Variants in FAM83F observed in about 807,000 individuals in gnomAD.
FAM83F encodes scaffolding CK1 anchoring protein F, also known as protein FAM83F.
A neutral mutation model predicts 42.9 loss-of-function variants in FAM83F; 45 were observed. The ratio of observed to expected loss-of-function variants is 1.05; its 90% CI spans 0.83 to 1.35. The LOEUF (loss-of-function observed/expected upper bound fraction) is 1.35. Ranked by LOEUF, FAM83F falls within the 40% of genes most tolerant of loss-of-function variation. The probability of loss-of-function intolerance (pLI) is 0.00; values close to 1 mark genes in which losing one functional copy is unlikely to be tolerated. For synonymous variants in FAM83F, 306 were observed against 298.3 expected, an observed-to-expected ratio of 1.03 and a Z score of -0.27; for missense variants, 617 against 695.9, an observed-to-expected ratio of 0.89 and a Z score of 1.28.
chr22:40,004,335 T>C (rs1023310468), intron 1 of FAM83F, among the ~76,000 whole-genome samples: 8 of 148,490 alleles, frequency 5.4e-5, no homozygotes, highest in Admixed American at 5.3e-4. Flanking sequence ...GGAGTCTTGC[T>C]CTGTCACCCA....
In FAM83F at chr22:40,019,960, C is replaced by T. The variant is rs766807401; in HGVS notation, c.731C>T (p.Ser244Leu). The T allele has an allele frequency of 2.5e-6, 4 of 1,613,534 alleles. No individual in the cohort carries two copies. Among genetic ancestry groups the T allele is most frequent in the South Asian group, 2.2e-5 (2 of 91,020 alleles). Reference sequence around the variant, plus strand: ...GGGAGGATCAAGGGGACCCTGTCATCAAGGTTCCTGATGGTGGACGGTGAC... The same window carrying T: ...GGGAGGATCAAGGGGACCCTGTCATTAAGGTTCCTGATGGTGGACGGTGAC... ...PMGRIKGTLS[S>L]RFLMVDGDKV... Residue 244 changes from serine to leucine, a missense_variant, in exon 3 of 5, where the codon TCA (serine) becomes TTA (leucine). By Grantham distance (145) the Ser-to-Leu change is moderately radical (BLOSUM62 -2). Transcript: ENST00000333407.
intron 1 of FAM83F, among the ~76,000 whole-genome samples, chr22:40,011,426 G>T (rs182843228): frequency 2.0e-5 from 3 of 152,064 alleles, no homozygotes; most frequent in Admixed American, 6.5e-5. Context: ...CAGGTGATCC[G>T]CCCGCCTCGG....
intron 1 of FAM83F, among the ~76,000 whole-genome samples, chr22:40,001,910 C>T (rs2067403832): frequency 6.6e-6 from 1 of 152,164 alleles, no homozygotes; most frequent in Non-Finnish European, 1.5e-5. Context: ...GGCGTGTTTC[C>T]TGTTTCCACC....
rs2067647966 is a variant in FAM83F at position 40,040,966 on chromosome 22, C to G, written c.*11401C>G. 6.6e-6 allele frequency: 1 copy of G among 152,262 alleles called. No homozygotes were observed. Among genetic ancestry groups the G allele is most frequent in the South Asian group, 2.1e-4 (1 of 4,832 alleles). 9.4% of individuals were successfully genotyped at this position (152,262 alleles called of 1,614,324 possible). A position where few individuals can be genotyped will look rare whatever the true frequency, so the allele number is the denominator to read the frequency against. ...ATCCAGCTTGCTATCCCCCCTTCCCCCAGCTTGTGGGTTATTGCAGAATTG... is the reference window on the plus strand; with the variant it reads ...ATCCAGCTTGCTATCCCCCCTTCCCGCAGCTTGTGGGTTATTGCAGAATTG... On this transcript the variant is annotated 3_prime_UTR_variant, in exon 5 of 5. Transcript: ENST00000333407.
chr22:40,027,749 G>C (rs894302897), intron 4 of FAM83F, among the ~76,000 whole-genome samples: 5 of 152,216 alleles, frequency 3.3e-5, no homozygotes, highest in Non-Finnish European at 7.3e-5. Context: ...CAAAAAAGTG[G>C]GGAGCATGGT....
At chr22:40,011,610 T>C (rs1475325377) in intron 1 of FAM83F, among the ~76,000 whole-genome samples, 2 of 152,220 alleles carry the variant, frequency 1.3e-5, no homozygotes, top group African/African-American at 4.8e-5. Flanking sequence ...ATGAGTGGTA[T>C]TAGGCTATAG....
At chr22:40,002,652 G>A (rs1601762172) in intron 1 of FAM83F, among the ~76,000 whole-genome samples, 1 of 152,300 alleles carries the variant, frequency 6.6e-6, no homozygotes, top group Admixed American at 6.5e-5. Flanking sequence ...ACTGGGTGAC[G>A]TGGGGTACAT....
Position 39,995,682 on chromosome 22 carries a change from T to G in FAM83F, c.489+151T>G. ...CCGCCCCTACTTCCTGGGGCTGCAG[T>G]GAGGCCTGTAGAGCGAATGGCTGGG... On this transcript the variant is annotated intron_variant, in intron 1 of 4. Transcript: ENST00000333407. The surrounding 1 kb of genome is among the most constrained non-coding windows in gnomAD (Gnocchi z 4.6). 1 of 1,311,014 alleles carries G rather than the reference T, an allele frequency of 7.6e-7. No individual in the cohort carries two copies. The highest frequency in any genetic ancestry group is 1.0e-6 in the Non-Finnish European group (1 of 986,168). The allele number at this position is 1,311,014 out of a possible 1,614,324, so 81.2% of individuals were successfully genotyped here. A position where few individuals can be genotyped will look rare whatever the true frequency, so the allele number is the denominator to read the frequency against.
intron 1 of FAM83F, among the ~76,000 whole-genome samples, chr22:40,010,283 C>T (rs753229191): frequency 3.9e-5 from 6 of 152,258 alleles, no homozygotes; most frequent in East Asian, 1.9e-4. Flanking sequence ...TGGGGAATCA[C>T]GTGCTCAGTG....
chr22:40,025,941 AC>A (rs1028470887), intron 4 of FAM83F, among the ~76,000 whole-genome samples: 2 of 152,016 alleles, frequency 1.3e-5, no homozygotes, highest in African/African-American at 4.8e-5. Context: ...TGTGCCTGAG[AC>A]CCCACCCAGT....
rs2067518487 is a variant in FAM83F at position 40,021,280 on chromosome 22, A to T, written c.780-10A>T. The T allele has an allele frequency of 6.5e-7, 1 of 1,528,298 alleles. No individual in the cohort carries two copies. The highest frequency in any genetic ancestry group is 2.3e-5 in the East Asian group (1 of 43,756). 94.7% of individuals were successfully genotyped at this position (1,528,298 alleles called of 1,614,324 possible). A position where few individuals can be genotyped will look rare whatever the true frequency, so the allele number is the denominator to read the frequency against. The stretch of plus-strand genomic sequence containing the variant: ...ACATGTGTCTTGCTTTTCTGTCCCC[A>T]CGTTCCCAGGTTCACCTGGAGTTCC... On this transcript the variant is annotated splice_polypyrimidine_tract_variant and intron_variant, in intron 3 of 4. Coordinates refer to ENST00000333407, the MANE Select transcript of FAM83F (RefSeq NM_138435.4). This position sits in a 1 kb window ranked among gnomAD's most constrained non-coding sequence, Gnocchi z 8.7.
intron 4 of FAM83F, among the ~76,000 whole-genome samples, chr22:40,028,090 A>G (rs2067564916): frequency 6.6e-6 from 1 of 152,256 alleles, no homozygotes; most frequent in Admixed American, 6.5e-5. Context: ...GCCGCCCCAG[A>G]CGTGCTCGGC....
At position 40,023,924 on chromosome 22, in the gene FAM83F, C is replaced by T. The variant is rs141809342; in HGVS notation, c.1453+1961C>T. On this transcript the variant is annotated intron_variant, in intron 4 of 4. Coordinates refer to ENST00000333407, the MANE Select transcript of FAM83F (RefSeq NM_138435.4). This position sits in a 1 kb window ranked among gnomAD's most constrained non-coding sequence, Gnocchi z 4.1. ...TAAGGCTTCTGCCCACCTGGGTGGGCGCCCAGTACCTGCAGTCCTGAAATT... is the reference window on the plus strand; with the variant it reads ...TAAGGCTTCTGCCCACCTGGGTGGGTGCCCAGTACCTGCAGTCCTGAAATT... Among the ~76,000 whole-genome samples, 1 of 152,304 alleles carries T rather than the reference C, an allele frequency of 6.6e-6. No homozygotes were observed. Among genetic ancestry groups the T allele is most frequent in the African/African-American group, 2.4e-5 (1 of 41,576 alleles).
At position 40,032,457 on chromosome 22, in the gene FAM83F, A is replaced by G. The variant is rs2067594068; in HGVS notation, c.*2892A>G. 1 of 152,154 alleles carries G rather than the reference A, an allele frequency of 6.6e-6. No homozygotes were observed. Among genetic ancestry groups the G allele is most frequent in the Non-Finnish European group, 1.5e-5 (1 of 68,038 alleles). 9.4% of individuals were successfully genotyped at this position (152,154 alleles called of 1,614,324 possible). On this transcript the variant is annotated 3_prime_UTR_variant, in exon 5 of 5. Coordinates refer to ENST00000333407, the MANE Select transcript of FAM83F (RefSeq NM_138435.4). ...GGCTTTCAAGATAGCCTCTGTTAAC[A>G]TCACTACCCTCTGCCTGTGTAGAAC... is the stretch of plus-strand genomic sequence containing the variant.
intron 1 of FAM83F, among the ~76,000 whole-genome samples, chr22:40,016,309 C>A (rs2067492225): frequency 6.6e-6 from 1 of 151,920 alleles, no homozygotes; most frequent in Non-Finnish European, 1.5e-5. Flanking sequence ...CTCAAGCAAT[C>A]CTCCTGCCTC....
Position 40,007,202 on chromosome 22 carries a change from G to A in FAM83F, c.489+11671G>A, listed in dbSNP as rs372512833. On this transcript the variant is annotated intron_variant, in intron 1 of 4. Transcript: ENST00000333407. ...GTCTTGCAGCAGGAGCCCCTCCTGCGGGCAGCTGTGCAGCCTCCTCTCCTC... is the reference window on the plus strand; with the variant it reads ...GTCTTGCAGCAGGAGCCCCTCCTGCAGGCAGCTGTGCAGCCTCCTCTCCTC... 1.4e-4 allele frequency among the ~76,000 whole-genome samples: 20 copies of A among 143,642 alleles called. No individual in the cohort carries two copies. The East Asian group carries it at 3.4e-3, about 25-fold the overall frequency. 94.2% of individuals were successfully genotyped at this position (143,642 alleles called of 152,430 possible).
At chr22:40,005,072 C>T (rs376989366) in intron 1 of FAM83F, among the ~76,000 whole-genome samples, 4 of 152,210 alleles carry the variant, frequency 2.6e-5, no homozygotes, top group African/African-American at 4.8e-5. Flanking sequence ...AACTTGCCTC[C>T]GTAGGGAAGC....
rs1017965609 is a variant in FAM83F at position 40,023,899 on chromosome 22, T to G, written c.1453+1936T>G. Among the ~76,000 whole-genome samples the G allele has an allele frequency of 6.6e-6, 1 of 152,180 alleles. No individual in the cohort carries two copies. The highest frequency in any genetic ancestry group is 2.4e-5 in the African/African-American group (1 of 41,440). On this transcript the variant is annotated intron_variant, in intron 4 of 4. Coordinates refer to ENST00000333407, the MANE Select transcript of FAM83F (RefSeq NM_138435.4). This position sits in a 1 kb window ranked among gnomAD's most constrained non-coding sequence, Gnocchi z 4.1. ...ACGAACACAGAGCAGCCTCCTCCGG[T>G]AAGGCTTCTGCCCACCTGGGTGGGC...
intron 3 of FAM83F, 45 bp downstream of exon 3, chr22:40,020,053 C>T: frequency 6.3e-7 from 1 of 1,575,984 alleles, no homozygotes; most frequent in South Asian, 1.2e-5. Context: ...GCCTTGATTC[C>T]AGGTAGGTGT....
Sources: allele counts gnomAD v4.1 joint callset (sites outside exome capture counted in the v4.1 genomes callset), GRCh38; gene constraint gnomAD v4.1.1; non-coding constraint Gnocchi (gnomAD v3.1); transcripts MANE v1.5; gene names NCBI Gene and HGNC (gene_info 2026-07-23, HGNC 2026-07-21).